The following SLC4A7 variants were observed in gnomAD, a reference collection of about 807,000 sequenced individuals.
The protein encoded by SLC4A7 is solute carrier family 4 member 7, also known as sodium bicarbonate cotransporter 3.
In SLC4A7, 51 loss-of-function variants were observed where a neutral mutation model predicts 137.6. That is an observed-to-expected ratio of 0.37 (90% CI 0.30 to 0.47). The LOEUF is 0.47. SLC4A7 is among the 20% of genes least tolerant of loss of function. The pLI, the probability that SLC4A7 is intolerant of heterozygous loss-of-function variation, is 1.00. For synonymous variants in SLC4A7, 542 were observed against 518.6 expected (o/e 1.05, Z -0.61); for missense variants, 1,247 against 1,525.4 (o/e 0.82, Z 3.04).
chr3:27,443,024 C>CATT (rs2057324604), intron 3 of SLC4A7, among the ~76,000 whole-genome samples: 2 of 102,142 alleles, frequency 2.0e-5, no homozygotes, highest in Non-Finnish European at 3.8e-5. Flanking sequence ...TCTCTTTTTT[C>CATT]TTTTTTTCTT....
At position 27,448,722 on chromosome 3, in the gene SLC4A7, T is replaced by C. The variant is rs766014546; in HGVS notation, c.218A>G (p.His73Arg). The C allele has an allele frequency of 1.2e-6, 2 of 1,613,410 alleles. No homozygotes were observed. Among genetic ancestry groups the C allele is most frequent in the South Asian group, 2.2e-5 (2 of 91,048 alleles). Residue 73 changes from histidine (H) to arginine (R), a missense_variant, in exon 3 of 26, where the codon CAC (histidine) becomes CGC (arginine). By Grantham distance (29) the His-to-Arg change is conservative (BLOSUM62 0). This residue lies in a region of SLC4A7 where 176 missense variants were observed against 186.4 expected (regional missense o/e 0.94). Transcript: ENST00000454389. The part of the protein sequence containing the change: ...ESRRRHRHRG[H>R]KHHHRRRKDK... ...TTTTCTTCTCCGGTGGTGATGTTTG[T>C]GTCCGCGATGCCTATGACGCCGACG...
intron 19 of SLC4A7, 84 bp downstream of exon 19, chr3:27,394,870 T>C: frequency 1.3e-6 from 2 of 1,538,568 alleles, no homozygotes; most frequent in African/African-American, 1.4e-5. Context: ...ATTTTCATCT[T>C]ACATCTTTTA....
At chr3:27,421,500 A>C in intron 9 of SLC4A7, 122 bp downstream of exon 9, 1 of 839,446 alleles carries the variant, frequency 1.2e-6, no homozygotes, top group Admixed American at 3.0e-5. Context: ...TCTCAAAAAT[A>C]AGATAAAATT....
intron 5 of SLC4A7, among the ~76,000 whole-genome samples, chr3:27,436,162 CACAGA>C (rs2056724795): frequency 6.6e-6 from 1 of 152,176 alleles, no homozygotes; most frequent in Non-Finnish European, 1.5e-5. Flanking sequence ...TCTGAATTTC[CACAGA>C]ACAGACTCTG....
chr3:27,401,504 G>C (rs1291419548), intron 15 of SLC4A7, among the ~76,000 whole-genome samples: 1 of 152,124 alleles, frequency 6.6e-6, no homozygotes, highest in African/African-American at 2.4e-5. Context: ...TAATAATCAT[G>C]AATGTTCCAA....
intron 3 of SLC4A7, among the ~76,000 whole-genome samples, chr3:27,442,575 A>G (rs1319181537): frequency 6.6e-6 from 1 of 151,676 alleles, no homozygotes; most frequent in Admixed American, 6.6e-5. Flanking sequence ...ATGCCTGGTT[A>G]ATTTTCGTAT....
intron 1 of SLC4A7, among the ~76,000 whole-genome samples, chr3:27,465,027 C>G (rs1255472138): frequency 6.6e-6 from 1 of 151,900 alleles, no homozygotes; most frequent in Non-Finnish European, 1.5e-5. Context: ...GTGACAAGAA[C>G]CCGGTTTTTT....
Position 27,453,440 on chromosome 3 carries a change from C to A in SLC4A7, c.61-942G>T, listed in dbSNP as rs187434404. ...ACCAGCCTGACCAACATGGAGAAAC[C>A]CCATCTCCACTAAAAATACAAAATT... On this transcript the variant is annotated intron_variant, in intron 1 of 25. Transcript: ENST00000454389. Among the ~76,000 whole-genome samples the A allele has an allele frequency of 1.1e-3, 161 of 152,164 alleles. 2 individuals carry two copies. Among genetic ancestry groups the A allele is most frequent in the Admixed American group, 4.7e-3 (72 of 15,284 alleles).
chr3:27,420,897 C>A, intron 9 of SLC4A7, 110 bp from the exon 10 acceptor site: 1 of 685,900 alleles, frequency 1.5e-6, no homozygotes, highest in Non-Finnish European at 2.4e-6. Context: ...AACACTCAGA[C>A]ATCTTTTCTA....
chr3:27,418,706 A>G (rs909757591), intron 10 of SLC4A7, 74 bp from the exon 11 acceptor site: 3 of 815,894 alleles, frequency 3.7e-6, no homozygotes, highest in African/African-American at 3.5e-5. Flanking sequence ...TCCACTCTGG[A>G]TATCATAAAT....
At position 27,376,569 on chromosome 3, in the gene SLC4A7, G is replaced by T. The variant is rs1252896271; in HGVS notation, c.*195C>A. The T allele has an allele frequency of 2.7e-6, 1 of 375,604 alleles. No homozygotes were observed. Among genetic ancestry groups the T allele is most frequent in the South Asian group, 9.0e-5 (1 of 11,110 alleles). 23.3% of individuals were successfully genotyped at this position (375,604 alleles called of 1,614,324 possible). A position where few individuals can be genotyped will look rare whatever the true frequency, so the allele number is the denominator to read the frequency against. ...AAATATTTGAATAGTTAAGAACCAT[G>T]TACCTCACTTCAAAGAGAGCATTTC... is the stretch of plus-strand genomic sequence containing the variant. On this transcript the variant is annotated 3_prime_UTR_variant, in exon 26 of 26. Coordinates refer to ENST00000454389, the MANE Select transcript of SLC4A7 (RefSeq NM_001321103.2).
intron 18 of SLC4A7, among the ~76,000 whole-genome samples, chr3:27,396,021 AT>A (rs960602050): frequency 1.6e-4 from 24 of 151,664 alleles, no homozygotes; most frequent in African/African-American, 4.6e-4. Flanking sequence ...TTTTATAGCA[AT>A]TTTTTTTTAA....
At position 27,378,933 on chromosome 3, in the gene SLC4A7, C is replaced by T. The variant is rs192451227; in HGVS notation, c.3698+316G>A. Among the ~76,000 whole-genome samples the T allele has an allele frequency of 5.3e-4, 81 of 152,112 alleles. 2 individuals are homozygous for T. Among genetic ancestry groups the T allele is most frequent in the Admixed American group, 3.3e-3 (51 of 15,282 alleles). ...ATTACTATTTTTTGAGACAGAGTTT[C>T]ACTCTTGTCCCCCAGGCTGGAGTGC... On this transcript the variant is annotated intron_variant, in intron 25 of 25. Coordinates refer to ENST00000454389, the MANE Select transcript of SLC4A7 (RefSeq NM_001321103.2).
At chr3:27,418,349 G>A in intron 11 of SLC4A7, 137 bp downstream of exon 11, 3 of 648,208 alleles carry the variant, frequency 4.6e-6, no homozygotes, top group Non-Finnish European at 5.3e-6. Flanking sequence ...ACCCACAGGA[G>A]GTAAGTATGG....
intron 7 of SLC4A7, among the ~76,000 whole-genome samples, chr3:27,427,317 CT>C (rs11349026): frequency 0.91 from 134,120 of 147,520 alleles, 61,011 homozygotes; most frequent in East Asian, 1. Context: ...AAATTCACTT[CT>C]TTTTTTTTTT....
intron 2 of SLC4A7, among the ~76,000 whole-genome samples, chr3:27,449,606 T>C (rs1350306469): frequency 2.0e-5 from 3 of 152,144 alleles, no homozygotes; most frequent in African/African-American, 7.2e-5. Context: ...CTACTGCTGA[T>C]ATTGCATTAT....
rs186451828 is a variant in SLC4A7, at chr3:27,376,636, A to G, written c.*128T>C. 6.1e-5 allele frequency: 33 copies of G among 545,148 alleles called. No individual in the cohort carries two copies. The Admixed American group carries it at 9.3e-4, about 15-fold the overall frequency. 33.8% of individuals were successfully genotyped at this position (545,148 alleles called of 1,614,324 possible). A position where few individuals can be genotyped will look rare whatever the true frequency, so the allele number is the denominator to read the frequency against. The stretch of plus-strand genomic sequence containing the variant: ...CCACGGTGCTCATTACAAACTCCAG[A>G]CACTACTTTTAAAAACCCGGTAGTC... On this transcript the variant is annotated 3_prime_UTR_variant, in exon 26 of 26. Coordinates refer to ENST00000454389, the MANE Select transcript of SLC4A7 (RefSeq NM_001321103.2).
At chr3:27,425,370 TAAAA>T (rs56153970) in intron 7 of SLC4A7, among the ~76,000 whole-genome samples, 1 of 56,990 alleles carries the variant, frequency 1.8e-5, no homozygotes, top group Non-Finnish European at 2.9e-5. Context: ...AACTCCGTCC[TAAAA>T]AAAAAAAAAA....
At chr3:27,472,082 C>A (rs183866144) in intron 1 of SLC4A7, among the ~76,000 whole-genome samples, 27 of 152,284 alleles carry the variant, frequency 1.8e-4, no homozygotes, top group African/African-American at 6.5e-4. Context: ...AACTGCCCCT[C>A]CCTCTTCAAA....
Sources: allele counts gnomAD v4.1 joint callset (sites outside exome capture counted in the v4.1 genomes callset), GRCh38; gene constraint gnomAD v4.1.1; regional missense constraint gnomAD v4.1.1; transcripts MANE v1.5; gene names NCBI Gene and HGNC (gene_info 2026-07-23, HGNC 2026-07-21).